The following OPN4 variants were observed in gnomAD, a reference collection of about 807,000 sequenced individuals.
The protein encoded by OPN4 is melanopsin.
A neutral mutation model predicts 49.5 loss-of-function variants in OPN4; 43 were observed. The observed-to-expected ratio is 0.87, with a 90% CI of 0.68 to 1.12. The LOEUF (loss-of-function observed/expected upper bound fraction) is 1.12. Among genes scored for constraint, OPN4 ranks in the 50% most tolerant of loss-of-function variants. The pLI is 0.00. For missense variants in OPN4, 657 were observed against 643.9 expected, an observed-to-expected ratio of 1.02 and a Z score of -0.22; for synonymous variants, 263 against 258.0, an observed-to-expected ratio of 1.02 and a Z score of -0.19.
Position 86,660,024 on chromosome 10 carries a change from T to A in OPN4, c.930T>A (p.Ala310=), listed in dbSNP as rs1843966187. 1 of 1,614,134 alleles carries A rather than the reference T, an allele frequency of 6.2e-7. No individual in the cohort carries two copies. The highest frequency in any genetic ancestry group is 8.5e-7 in the Non-Finnish European group (1 of 1,180,014). The change falls in exon 6 of 10, where the codon GCT becomes GCA. Residue 310 remains alanine (A), a synonymous_variant. Transcript: ENST00000241891. ...LVILLFVLSW[A]PYSAVALVAF... ...TCCTCCTCTTCGTGCTCTCCTGGGC[T>A]CCCTATTCCGCTGTGGCCCTGGTGG...
At chr10:86,664,055 C>A in intron 9 of OPN4, 1 of 461,230 alleles carries the variant, frequency 2.2e-6, no homozygotes, top group East Asian at 3.7e-5. Flanking sequence ...TCTGACTCTG[C>A]ATGGTGCTGT....
chr10:86,660,347 C>T (rs760073433), intron 6 of OPN4, among the ~76,000 whole-genome samples: 1 of 152,190 alleles, frequency 6.6e-6, no homozygotes, highest in Non-Finnish European at 1.5e-5. Context: ...CTCTTGAGGT[C>T]TCCTCCCTCT....
At chr10:86,661,816 C>T (rs1002824626) in intron 7 of OPN4, among the ~76,000 whole-genome samples, 1 of 152,116 alleles carries the variant, frequency 6.6e-6, no homozygotes, top group Non-Finnish European at 1.5e-5. Context: ...GATAGCAACC[C>T]GGCAAGGCTG....
chr10:86,659,156 A>G, intron 4 of OPN4, 141 bp from the exon 5 acceptor site: 2 of 644,448 alleles, frequency 3.1e-6, no homozygotes, highest in Non-Finnish European at 5.4e-6. Context: ...AGTTCCCTCC[A>G]GCTTCCTCAC....
At position 86,666,383 on chromosome 10, in the gene OPN4, G is replaced by C. The variant is rs1413175004; in HGVS notation, c.*632G>C. The C allele has an allele frequency of 2.9e-5, 6 of 210,430 alleles. No individual in the cohort carries two copies. In the South Asian group the frequency reaches 5.2e-4, roughly 18 times the overall value. 13.0% of individuals were successfully genotyped at this position (210,430 alleles called of 1,614,324 possible). A position where few individuals can be genotyped will look rare whatever the true frequency, so the allele number is the denominator to read the frequency against. ...CGTCTGTGATTCATTTCATGTAGTGGTCTAAGCTCCTCCCAGGGCTGTGTG... is the reference window on the plus strand; with the variant it reads ...CGTCTGTGATTCATTTCATGTAGTGCTCTAAGCTCCTCCCAGGGCTGTGTG... On this transcript the variant is annotated 3_prime_UTR_variant, in exon 10 of 10. Coordinates refer to ENST00000241891, the MANE Select transcript of OPN4 (RefSeq NM_033282.4).
At chr10:86,656,065 C>A in intron 1 of OPN4, 90 bp from the exon 2 acceptor site, 1 of 1,550,480 alleles carries the variant, frequency 6.4e-7, no homozygotes, top group Non-Finnish European at 8.8e-7. Context: ...TTCCCACCTG[C>A]CCTGTTGAGA....
chr10:86,664,762 C>G (rs1162906424), intron 9 of OPN4, among the ~76,000 whole-genome samples: 1 of 152,184 alleles, frequency 6.6e-6, no homozygotes, highest in East Asian at 1.9e-4. Context: ...GGGCCCCGCA[C>G]CCTGTCCTGG....
At chr10:86,663,463 C>T (rs571848969) in intron 8 of OPN4, among the ~76,000 whole-genome samples, 196 bp from the exon 9 acceptor site, 1 of 152,348 alleles carries the variant, frequency 6.6e-6, no homozygotes, top group African/African-American at 2.4e-5. Context: ...AACCTGCACA[C>T]ACATACACAC....
intron 8 of OPN4, among the ~76,000 whole-genome samples, chr10:86,662,907 C>T (rs897423755): frequency 6.6e-6 from 1 of 152,256 alleles, no homozygotes; most frequent in Non-Finnish European, 1.5e-5. Flanking sequence ...TGGCTTTGAG[C>T]CTCAGCTTAC....
chr10:86,657,857 C>T (rs889802106), intron 2 of OPN4, among the ~76,000 whole-genome samples, 175 bp from the exon 3 acceptor site: 5 of 152,104 alleles, frequency 3.3e-5, no homozygotes, highest in East Asian at 1.9e-4. Context: ...GGTCCCTGCC[C>T]GACAGTGGGA....
chr10:86,661,977 AG>A (rs1473521195), intron 7 of OPN4, among the ~76,000 whole-genome samples: 1 of 152,058 alleles, frequency 6.6e-6, no homozygotes, highest in Non-Finnish European at 1.5e-5. Context: ...CCAGCCACTG[AG>A]GGCTGGAACC....
intron 3 of OPN4, 114 bp from the exon 4 acceptor site, chr10:86,658,370 G>GA: frequency 7.8e-7 from 1 of 1,279,926 alleles, no homozygotes; most frequent in Non-Finnish European, 1.1e-6. Flanking sequence ...GTGGCAGGTG[G>GA]AGGGGGTGGA....
Position 86,658,422 on chromosome 10 carries a change from C to G in OPN4, c.425-62C>G. On this transcript the variant is annotated intron_variant, in intron 3 of 9. Coordinates refer to ENST00000241891, the MANE Select transcript of OPN4 (RefSeq NM_033282.4). ...TCTTCCTGTGAGGTGAAGGCCAGAG[C>G]AGAGTCTACCCTGTCCCCAGACCCT... 3 of 1,550,204 alleles carry G rather than the reference C, an allele frequency of 1.9e-6. No individual in the cohort carries two copies. The East Asian group carries it at 6.9e-5, about 35-fold the overall frequency.
chr10:86,655,340 C>G (rs962883625), intron 1 of OPN4, among the ~76,000 whole-genome samples: 1 of 152,156 alleles, frequency 6.6e-6, no homozygotes, highest in Non-Finnish European at 1.5e-5. Context: ...CTAGCCCAGG[C>G]CCAGGGCCAT....
Position 86,659,499 on chromosome 10 carries a change from G to A in OPN4, c.800+31G>A, listed in dbSNP as rs752676352. ...AGCCGAGCATGGAGGGGGGCTACAG[G>A]AGGGGGACCGGCCCCTCGGCCAGGC... On this transcript the variant is annotated intron_variant, in intron 5 of 9. Transcript: ENST00000241891. 4.4e-6 allele frequency: 7 copies of A among 1,607,514 alleles called. No individual in the cohort carries two copies. In the African/African-American group the frequency reaches 5.3e-5, roughly 12 times the overall value.
At chr10:86,658,978 G>C (rs984796387) in intron 4 of OPN4, among the ~76,000 whole-genome samples, 1 of 152,248 alleles carries the variant, frequency 6.6e-6, no homozygotes, top group Non-Finnish European at 1.5e-5. Flanking sequence ...GCAGGGGGCT[G>C]GGGTGTGAGG....
rs1589588903 is a variant in OPN4 at position 86,660,146 on chromosome 10, A to G, written c.965+87A>G. The G allele has an allele frequency of 2.0e-6, 3 of 1,464,318 alleles. 1 individual carries two copies. In the Admixed American group the frequency reaches 5.3e-5, roughly 26 times the overall value. The allele number at this position is 1,464,318 out of a possible 1,614,324, so 90.7% of individuals were successfully genotyped here. A position where few individuals can be genotyped will look rare whatever the true frequency, so the allele number is the denominator to read the frequency against. On this transcript the variant is annotated intron_variant, in intron 6 of 9. Transcript: ENST00000241891. ...TGGCCAGCCTCTCCTTCCCAGCCCA[A>G]CCCCGGCCAGCCATCCTCGCACCCT... is the stretch of plus-strand genomic sequence containing the variant.
In OPN4 at chr10:86,665,899, C is replaced by T. The variant is rs546521669; in HGVS notation, c.*148C>T. 4.7e-4 allele frequency: 310 copies of T among 655,898 alleles called. 1 individual carries two copies. The Middle Eastern group carries it at 7.2e-3, about 15-fold the overall frequency. 40.6% of individuals were successfully genotyped at this position (655,898 alleles called of 1,614,324 possible). ...CTGCACGGGATTCACAGCCCCAGCC[C>T]CATGGCCCCTCTCCACACCTCAAAA... On this transcript the variant is annotated 3_prime_UTR_variant, in exon 10 of 10. Transcript: ENST00000241891.
Position 86,665,808 on chromosome 10 carries a change from T to G in OPN4, c.*57T>G. The G allele has an allele frequency of 5.3e-6, 7 of 1,333,130 alleles. No homozygotes were observed. Among genetic ancestry groups the G allele is most frequent in the Non-Finnish European group, 7.5e-6 (7 of 929,204 alleles). The allele number at this position is 1,333,130 out of a possible 1,614,324, so 82.6% of individuals were successfully genotyped here. The stretch of plus-strand genomic sequence containing the variant: ...CACATCCAGCCCCCCCACGTCTCCC[T>G]CATATACACAGACCCAGGATTATGC... On this transcript the variant is annotated 3_prime_UTR_variant, in exon 10 of 10. Coordinates refer to ENST00000241891, the MANE Select transcript of OPN4 (RefSeq NM_033282.4).
Sources: gnomAD v4.1 joint callset for allele counts (sites outside exome capture counted in the v4.1 genomes callset) on GRCh38, gnomAD v4.1.1 for gene constraint, MANE v1.5 for transcripts, NCBI Gene and HGNC (gene_info 2026-07-23, HGNC 2026-07-21) for gene names.